RGS6: variants seen among roughly 807,000 people sequenced by gnomAD.
RGS6 encodes the protein regulator of G protein signaling 6.
Under a neutral mutation model 78.5 loss-of-function variants are expected in RGS6, and 30 were observed. That is an observed-to-expected ratio of 0.38 (90% CI 0.29 to 0.52). The LOEUF is 0.52. Ranked by LOEUF, RGS6 falls within the 20% of genes least tolerant of loss-of-function variation. The probability of loss-of-function intolerance (pLI) is 0.85; values close to 1 mark genes in which losing one functional copy is unlikely to be tolerated. For synonymous variants in RGS6, 206 were observed against 206.0 expected, an observed-to-expected ratio of 1.00 and a Z score of 0.00; for missense variants, 495 against 609.7, an observed-to-expected ratio of 0.81 and a Z score of 1.98.
At chr14:72,358,111 G>C (rs989621177) in intron 3 of RGS6, among the ~76,000 whole-genome samples, 1 of 152,182 alleles carries the variant, frequency 6.6e-6, no homozygotes, top group African/African-American at 2.4e-5. Flanking sequence ...TTCTGGGTGT[G>C]CAGAAGACAA....
chr14:71,877,610 C>T, the RGS6 span, among the ~76,000 whole-genome samples: 5 of 152,146 alleles, frequency 3.3e-5, no homozygotes, highest in Admixed American at 3.3e-4. Context: ...GCTTCTTTGC[C>T]ATGGGTTTGA....
chr14:72,182,332 C>A (rs536313746), intron 2 of RGS6, among the ~76,000 whole-genome samples: 1 of 147,378 alleles, frequency 6.8e-6, no homozygotes, highest in Non-Finnish European at 1.5e-5. Context: ...CCCAGCTACT[C>A]GGGAGGCTGA....
chr14:72,280,293 G>T (rs2061365199), intron 2 of RGS6, among the ~76,000 whole-genome samples: 1 of 152,068 alleles, frequency 6.6e-6, no homozygotes, highest in Non-Finnish European at 1.5e-5. Context: ...AGGGAATAGA[G>T]ATAGAAAGCA....
chr14:72,235,717 T>A (rs6574054), intron 2 of RGS6, among the ~76,000 whole-genome samples: 1 of 152,060 alleles, frequency 6.6e-6, no homozygotes, highest in Non-Finnish European at 1.5e-5. Context: ...AGTCCAACAA[T>A]GTGCTAGTTG....
chr14:72,103,457 A>C (rs1327213722), intron 2 of RGS6, among the ~76,000 whole-genome samples: 4 of 152,206 alleles, frequency 2.6e-5, no homozygotes, highest in Non-Finnish European at 5.9e-5. Flanking sequence ...GGAAAACAAC[A>C]ACTTTCATTA....
chr14:71,885,030 A>T, the RGS6 span, among the ~76,000 whole-genome samples: 1 of 152,150 alleles, frequency 6.6e-6, no homozygotes, highest in Non-Finnish European at 1.5e-5. Context: ...CAGCACTGCA[A>T]ATGTAGCAGC....
intron 2 of RGS6, among the ~76,000 whole-genome samples, chr14:72,260,143 G>C (rs1028720782): frequency 6.6e-6 from 1 of 152,134 alleles, no homozygotes; most frequent in Non-Finnish European, 1.5e-5. Flanking sequence ...GCTTTTAACT[G>C]TATAAAGTTT....
intron 2 of RGS6, among the ~76,000 whole-genome samples, chr14:72,333,259 A>G (rs898410371): frequency 1.5e-4 from 23 of 152,332 alleles, no homozygotes; most frequent in African/African-American, 5.5e-4. Flanking sequence ...CATGATATCA[A>G]GTCAAATAAA....
At chr14:72,430,170 C>T (rs548490140) in intron 3 of RGS6, among the ~76,000 whole-genome samples, 2 of 152,302 alleles carry the variant, frequency 1.3e-5, no homozygotes, top group East Asian at 3.9e-4. Flanking sequence ...TCTCAAACTT[C>T]AGGAAGGGGA....
downstream of RGS6, among the ~76,000 whole-genome samples, chr14:72,571,486 T>C (rs570939935): frequency 6.6e-6 from 1 of 152,252 alleles, no homozygotes; most frequent in African/African-American, 2.4e-5. Context: ...TATAGATAGA[T>C]GGAAAAGAAT....
intron 2 of RGS6, among the ~76,000 whole-genome samples, chr14:72,037,330 T>C (rs1212709103): frequency 1.3e-5 from 2 of 152,184 alleles, no homozygotes; most frequent in African/African-American, 4.8e-5. Context: ...TTGCTGCTGC[T>C]CACTCTTTGG....
the RGS6 span, among the ~76,000 whole-genome samples, chr14:71,913,840 G>A: frequency 6.6e-6 from 1 of 152,140 alleles, no homozygotes; most frequent in African/African-American, 2.4e-5. Context: ...TATCCTTATT[G>A]TTTAAAAGGC....
At chr14:72,488,385 T>C (rs1465950595) in intron 12 of RGS6, among the ~76,000 whole-genome samples, 1 of 152,224 alleles carries the variant, frequency 6.6e-6, no homozygotes, top group Non-Finnish European at 1.5e-5. Context: ...CAAAGTCATA[T>C]TTTTTGCTCT....
chr14:71,882,941 C>T, the RGS6 span, among the ~76,000 whole-genome samples: 1 of 152,130 alleles, frequency 6.6e-6, no homozygotes, highest in Non-Finnish European at 1.5e-5. Context: ...GCCAAGAAAC[C>T]CTTGTTTGGG....
intron 1 of RGS6, among the ~76,000 whole-genome samples, chr14:71,934,868 A>C (rs1473920750): frequency 2.6e-5 from 4 of 152,202 alleles, no homozygotes; most frequent in Admixed American, 2.6e-4. Context: ...GGAATTGCTG[A>C]ACATTCTGTT....
intron 2 of RGS6, among the ~76,000 whole-genome samples, chr14:72,061,318 G>C (rs193130386): frequency 6.6e-6 from 1 of 152,092 alleles, no homozygotes; most frequent in African/African-American, 2.4e-5. Context: ...TTGAGATAAG[G>C]GTCCGTGATT....
intron 2 of RGS6, among the ~76,000 whole-genome samples, chr14:72,095,767 C>A (rs2095391290): frequency 6.6e-6 from 1 of 152,146 alleles, no homozygotes; most frequent in Non-Finnish European, 1.5e-5. Flanking sequence ...AAATGAATGT[C>A]ATCACCATGA....
intron 3 of RGS6, 29 bp downstream of exon 3, chr14:72,352,223 ACAGT>A (rs1566601508): frequency 6.6e-7 from 1 of 1,526,330 alleles, no homozygotes; most frequent in South Asian, 1.1e-5. Context: ...GGTGTTGGTA[ACAGT>A]CAGAACTACC....
chr14:72,005,375 A>G (rs981786675), intron 2 of RGS6, among the ~76,000 whole-genome samples: 1 of 152,134 alleles, frequency 6.6e-6, no homozygotes, highest in Non-Finnish European at 1.5e-5. Context: ...TTAATTTTAT[A>G]TTCATAAAGA....
Sources: allele counts gnomAD v4.1 joint callset (sites outside exome capture counted in the v4.1 genomes callset), GRCh38; gene constraint gnomAD v4.1.1; transcripts MANE v1.5; gene names NCBI Gene and HGNC (gene_info 2026-07-23, HGNC 2026-07-21).